The following BIRC2 variants were observed in gnomAD, a reference collection of about 807,000 sequenced individuals.
BIRC2 encodes baculoviral IAP repeat containing 2.
Under a neutral mutation model 60.9 loss-of-function variants are expected in BIRC2, and 18 were observed. The observed-to-expected ratio is 0.30, with a 90% CI of 0.20 to 0.44. BIRC2 has a LOEUF of 0.44. Among genes scored for constraint, BIRC2 ranks in the 20% least tolerant of loss-of-function variants. BIRC2 has a pLI of 1.00. For synonymous variants in BIRC2, 282 were observed against 247.7 expected (o/e 1.14, Z -1.30); for missense variants, 701 against 728.5 (o/e 0.96, Z 0.43).
intron 5 of BIRC2, 141 bp downstream of exon 5, chr11:102,363,857 G>T: frequency 5.6e-6 from 3 of 537,820 alleles, no homozygotes; most frequent in Non-Finnish European, 9.7e-6. Flanking sequence ...AGGAGTTCGA[G>T]ACCAGCCTGG....
At chr11:102,363,007 T>C in intron 4 of BIRC2, 33 bp downstream of exon 4, 1 of 1,465,178 alleles carries the variant, frequency 6.8e-7, no homozygotes, top group Non-Finnish European at 9.5e-7. Flanking sequence ...CAACATTGAA[T>C]TCTGCTTTAT....
chr11:102,366,224 T>A (rs1951551573), intron 5 of BIRC2, among the ~76,000 whole-genome samples: 1 of 152,224 alleles, frequency 6.6e-6, no homozygotes, highest in Admixed American at 6.5e-5. Context: ...TGGTACTCAT[T>A]TCCCAGCATT....
chr11:102,350,140 G>A lies in BIRC2; in HGVS notation c.286G>A (p.Gly96Arg). 1.2e-6 allele frequency: 2 copies of A among 1,614,172 alleles called. No homozygotes were observed. The highest frequency in any genetic ancestry group is 1.7e-6 in the Non-Finnish European group (2 of 1,180,020). Residue 96 changes from glycine to arginine, a missense_variant, in exon 2 of 9, where the codon GGA becomes AGA. By Grantham distance (125) the Gly-to-Arg change is moderately radical (BLOSUM62 -2). Coordinates refer to ENST00000227758, the MANE Select transcript of BIRC2 (RefSeq NM_001166.5). ...CGLMLDNWKL[G>R]DSPIQKHKQL... ...CCTGATGCTGGATAACTGGAAACTAGGAGACAGTCCTATTCAAAAGCATAA... is the reference window on the plus strand; with the variant it reads ...CCTGATGCTGGATAACTGGAAACTAAGAGACAGTCCTATTCAAAAGCATAA...
intron 3 of BIRC2, among the ~76,000 whole-genome samples, chr11:102,356,491 C>G (rs191767535): frequency 1.3e-5 from 2 of 151,176 alleles, no homozygotes; most frequent in African/African-American, 4.9e-5. Flanking sequence ...CCACTGCACC[C>G]GGCCAGCTTT....
Position 102,350,694 on chromosome 11 carries a change from A to G in BIRC2, c.840A>G (p.Pro280=), listed in dbSNP as rs766488254. 3 of 1,612,988 alleles carry G rather than the reference A, an allele frequency of 1.9e-6. No individual in the cohort carries two copies. The highest frequency in any genetic ancestry group is 1.7e-6 in the Non-Finnish European group (2 of 1,179,656). ...AARMRTFMYW[P]SSVPVQPEQL... The stretch of plus-strand genomic sequence containing the variant: ...GAATGAGAACATTTATGTACTGGCC[A>G]TCTAGTGTTCCAGTTCAGCCTGAGC... Residue 280 remains proline, a synonymous_variant, in exon 2 of 9, where the codon CCA becomes CCG. Coordinates refer to ENST00000227758, the MANE Select transcript of BIRC2 (RefSeq NM_001166.5).
Position 102,350,440 on chromosome 11 carries a change from T to G in BIRC2, c.586T>G (p.Leu196Val), listed in dbSNP as rs757139875. The G allele has an allele frequency of 1.2e-6, 2 of 1,614,206 alleles. No homozygotes were observed. Among genetic ancestry groups the G allele is most frequent in the East Asian group, 4.5e-5 (2 of 44,888 alleles). Residue 196 changes from leucine (L) to valine (V), a missense_variant, in exon 2 of 9, where the codon TTA becomes GTA. Physicochemically the swap from Leu to Val is conservative, Grantham distance 32 (BLOSUM62 1). Around this residue, in one of 4 missense-constraint regions of BIRC2, gnomAD observed 375 missense variants for 365.9 expected, o/e 1.02. Transcript: ENST00000227758. ...ATTTCTTACCTACCATATGTGGCCA[T>G]TAACTTTTTTGTCACCATCAGAATT... ...ARFLTYHMWP[L>V]TFLSPSELAR...
intron 3 of BIRC2, among the ~76,000 whole-genome samples, chr11:102,361,139 G>A (rs1951480771): frequency 6.6e-6 from 1 of 152,158 alleles, no homozygotes; most frequent in Non-Finnish European, 1.5e-5. Flanking sequence ...TGTCTCTGAT[G>A]GCGTGGACAC....
At chr11:102,376,141 A>G (rs1359817498) in intron 6 of BIRC2, among the ~76,000 whole-genome samples, 1 of 152,198 alleles carries the variant, frequency 6.6e-6, no homozygotes, top group Non-Finnish European at 1.5e-5. Context: ...ATGGGTTGGA[A>G]AATAGTATTG....
chr11:102,352,686 C>G (rs1951377721), intron 3 of BIRC2, among the ~76,000 whole-genome samples: 1 of 152,146 alleles, frequency 6.6e-6, no homozygotes, highest in Non-Finnish European at 1.5e-5. Context: ...TCACCTTTGC[C>G]TCCGAAAGTG....
chr11:102,377,434 T>TATA, intron 6 of BIRC2, 62 bp from the exon 7 acceptor site: 1 of 1,453,152 alleles, frequency 6.9e-7, no homozygotes, highest in Non-Finnish European at 9.3e-7. Context: ...TATTAGTGAC[T>TATA]ATATGAGTAT....
intron 5 of BIRC2, among the ~76,000 whole-genome samples, chr11:102,364,174 T>TATACACACACACACACACAC (rs1389968594): frequency 5.1e-5 from 4 of 78,118 alleles, no homozygotes; most frequent in African/African-American, 2.7e-4. Context: ...TATATATATA[T>TATACACACACACACACACAC]ACACACACAC....
At chr11:102,358,736 C>G (rs746325132) in intron 3 of BIRC2, among the ~76,000 whole-genome samples, 1 of 152,162 alleles carries the variant, frequency 6.6e-6, no homozygotes, top group Admixed American at 6.5e-5. Context: ...TTCTCTGACT[C>G]TTTTTACAGT....
intron 3 of BIRC2, among the ~76,000 whole-genome samples, chr11:102,357,835 C>T (rs563557148): frequency 6.6e-5 from 10 of 152,000 alleles, no homozygotes; most frequent in South Asian, 4.1e-4. Flanking sequence ...TGTAAAATTA[C>T]GGTGTTTATT....
intron 3 of BIRC2, among the ~76,000 whole-genome samples, chr11:102,359,121 T>C (rs1016683957): frequency 2.6e-5 from 4 of 152,218 alleles, no homozygotes; most frequent in African/African-American, 9.6e-5. Context: ...GCATCTACTA[T>C]TGGTTTCTAC....
chr11:102,377,310 A>G (rs1951726277), intron 6 of BIRC2, among the ~76,000 whole-genome samples, 186 bp from the exon 7 acceptor site: 1 of 152,232 alleles, frequency 6.6e-6, no homozygotes. Flanking sequence ...AGACTTAAAA[A>G]TTAAACAGAG....
rs746661444 is a variant in BIRC2 at position 102,377,665 on chromosome 11, C to T, written c.1536C>T (p.Thr512=). The T allele has an allele frequency of 1.2e-6, 2 of 1,611,130 alleles. No homozygotes were observed. The highest frequency in any genetic ancestry group is 1.7e-6 in the Non-Finnish European group (2 of 1,179,222). ...IPLQARELID[T]ILVKGNAAAN... is the part of the protein sequence containing the mutation. The stretch of plus-strand genomic sequence containing the variant: ...TACAAGCGAGAGAACTGATTGATAC[C>T]ATTTTGGTTAAAGGAAATGCTGCGG... The change falls in exon 7 of 9, where the codon ACC becomes ACT. Residue 512 remains threonine, a synonymous_variant. Coordinates refer to ENST00000227758, the MANE Select transcript of BIRC2 (RefSeq NM_001166.5).
chr11:102,360,415 G>C (rs890617518), intron 3 of BIRC2, among the ~76,000 whole-genome samples: 29 of 150,534 alleles, frequency 1.9e-4, no homozygotes, highest in Non-Finnish European at 5.9e-5. Flanking sequence ...TCTTCTGCTT[G>C]ATCAGGTCTG....
At position 102,350,615 on chromosome 11, in the gene BIRC2, T is replaced by C. The variant is rs1473368142; in HGVS notation, c.761T>C (p.Leu254Pro). The change falls in exon 2 of 9, where the codon CTA (leucine) becomes CCA (proline). Residue 254 changes from leucine (L) to proline (P), a missense_variant. Physicochemically the swap from Leu to Pro is moderately conservative, Grantham distance 98 (BLOSUM62 -3). Transcript: ENST00000227758. The part of the protein sequence containing the change: ...FPNCPFLENS[L>P]ETLRFSISNL... ...AACTGTCCATTTTTGGAAAATTCTC[T>C]AGAAACTCTGAGGTTTAGCATTTCA... is the stretch of plus-strand genomic sequence containing the variant. 6 of 1,614,188 alleles carry C rather than the reference T, an allele frequency of 3.7e-6. No individual in the cohort carries two copies. The African/African-American group carries it at 5.3e-5, about 14-fold the overall frequency.
intron 6 of BIRC2, among the ~76,000 whole-genome samples, chr11:102,376,438 C>A (rs986610331): frequency 3.5e-4 from 53 of 152,326 alleles, no homozygotes; most frequent in African/African-American, 1.2e-3. Context: ...ATTAATAGAG[C>A]AGTTCACTTC....
Sources: allele counts gnomAD v4.1 joint callset (sites outside exome capture counted in the v4.1 genomes callset), GRCh38; gene constraint gnomAD v4.1.1; regional missense constraint gnomAD v4.1.1; transcripts MANE v1.5; gene names NCBI Gene and HGNC (gene_info 2026-07-23, HGNC 2026-07-21).